Variants in YTHDC2 observed in about 807,000 individuals in gnomAD.
The protein encoded by YTHDC2 is YTH N6-methyladenosine RNA binding protein C2.
YTHDC2 carries 45 observed loss-of-function variants against 174.9 expected under a neutral mutation model. The ratio of observed to expected loss-of-function variants is 0.26; its 90% confidence interval spans 0.20 to 0.33. YTHDC2 has a LOEUF of 0.33. Among genes scored for constraint, YTHDC2 ranks in the 10% least tolerant of loss-of-function variants. YTHDC2 has a pLI of 1.00. For synonymous variants in YTHDC2, 657 were observed against 574.5 expected (o/e 1.14, Z -2.05); for missense variants, 1,650 against 1,723.7 (o/e 0.96, Z 0.76).
At position 113,513,710 on chromosome 5, in the gene YTHDC2, T is replaced by G; in HGVS notation, c.-186T>G. On this transcript the variant is annotated 5_prime_UTR_variant, in exon 1 of 30. Transcript: ENST00000161863. ...TACGCCCGCGCTCCTCGCCTGGCCG[T>G]GATATCAATGGCGCAGGCTTCACTT... 1.4e-5 allele frequency: 9 copies of G among 650,472 alleles called. No individual in the cohort carries two copies. Among genetic ancestry groups the G allele is most frequent in the South Asian group, 2.3e-5 (1 of 44,162 alleles). The allele number at this position is 650,472 out of a possible 1,614,324, so 40.3% of individuals were successfully genotyped here.
intron 23 of YTHDC2, among the ~76,000 whole-genome samples, chr5:113,576,536 C>A (rs987487741): frequency 1.3e-5 from 2 of 152,312 alleles, no homozygotes; most frequent in African/African-American, 4.8e-5. Flanking sequence ...TCTCCATACT[C>A]AACCATATTA....
rs1048647461 is a variant in YTHDC2, at chr5:113,592,130, C to T, written c.4164C>T (p.Leu1388=). The T allele has an allele frequency of 1.2e-6, 2 of 1,612,710 alleles. No individual in the cohort carries two copies. The highest frequency in any genetic ancestry group is 2.7e-5 in the African/African-American group (2 of 74,660). ...CCTTTCAATTTGCACACCATTTACT[C>T]AATCCATGGAATGACAACAAGAAAG... ...SLPFQFAHHL[L]NPWNDNKKVQ... is the part of the protein sequence containing the mutation. The change falls in exon 28 of 30, where the codon CTC becomes CTT. Residue 1388 remains leucine, a synonymous_variant. Coordinates refer to ENST00000161863, the MANE Select transcript of YTHDC2 (RefSeq NM_022828.5).
chr5:113,581,732 A>G (rs779804124), intron 25 of YTHDC2, 23 bp downstream of exon 25: 25 of 1,451,466 alleles, frequency 1.7e-5, no homozygotes, highest in Non-Finnish European at 2.0e-5. Context: ...CATTTTACCA[A>G]AATGGGTCAC....
chr5:113,581,085 G>A (rs771150052), intron 24 of YTHDC2, among the ~76,000 whole-genome samples: 5 of 152,022 alleles, frequency 3.3e-5, no homozygotes, highest in African/African-American at 4.8e-5. Context: ...TGATCATTTG[G>A]ATGTTCTACA....
chr5:113,563,692 GTAGA>G (rs1162730362), intron 19 of YTHDC2, among the ~76,000 whole-genome samples, 163 bp from the exon 20 acceptor site: 2 of 152,120 alleles, frequency 1.3e-5, no homozygotes, highest in Non-Finnish European at 2.9e-5. Flanking sequence ...GTATGAAACA[GTAGA>G]TATAGTTCTT....
At chr5:113,551,673 T>G (rs899805714) in intron 12 of YTHDC2, among the ~76,000 whole-genome samples, 3 of 152,062 alleles carry the variant, frequency 2.0e-5, no homozygotes, top group Non-Finnish European at 4.4e-5. Context: ...GGTTGATGGG[T>G]GCAGCAAACT....
chr5:113,584,535 C>G (rs1277930550), intron 26 of YTHDC2, 56 bp downstream of exon 26: 2 of 1,363,616 alleles, frequency 1.5e-6, no homozygotes, highest in Non-Finnish European at 9.9e-7. Flanking sequence ...ACATGTAATC[C>G]TAGGTAAATA....
chr5:113,537,083 A>T (rs544552419), intron 7 of YTHDC2, among the ~76,000 whole-genome samples: 1 of 152,318 alleles, frequency 6.6e-6, no homozygotes, highest in East Asian at 1.9e-4. Flanking sequence ...TATAATGAAC[A>T]TCCTTTTATG....
At position 113,585,201 on chromosome 5, in the gene YTHDC2, A is replaced by G. The variant is rs181374462; in HGVS notation, c.3825+722A>G. On this transcript the variant is annotated intron_variant, in intron 26 of 29. Transcript: ENST00000161863. ...AATTGGTTTCTACAGTGGTTATATT[A>G]AAAAAAAAACAAGATGGGATAGGGT... is the stretch of plus-strand genomic sequence containing the variant. 2.1e-3 allele frequency among the ~76,000 whole-genome samples: 287 copies of G among 138,458 alleles called. 3 individuals are homozygous for G. The highest frequency in any genetic ancestry group is 7.9e-3 in the African/African-American group (274 of 34,564). The allele number at this position is 138,458 out of a possible 152,430, so 90.8% of individuals were successfully genotyped here. A position where few individuals can be genotyped will look rare whatever the true frequency, so the allele number is the denominator to read the frequency against.
intron 9 of YTHDC2, 123 bp from the exon 10 acceptor site, chr5:113,542,245 C>CA (rs1342389851): frequency 9.9e-7 from 1 of 1,009,902 alleles, no homozygotes; most frequent in African/African-American, 1.7e-5. Flanking sequence ...TTTTTTATGT[C>CA]AAAGCATTTG....
intron 26 of YTHDC2, 115 bp downstream of exon 26, chr5:113,584,594 T>C (rs967312761): frequency 6.2e-6 from 6 of 963,450 alleles, no homozygotes; most frequent in Non-Finnish European, 9.0e-6. Context: ...CTCTTCTAGA[T>C]GTAAGTTGAA....
At chr5:113,576,408 A>T (rs2112773643) in intron 23 of YTHDC2, among the ~76,000 whole-genome samples, 1 of 152,298 alleles carries the variant, frequency 6.6e-6, no homozygotes, top group South Asian at 2.1e-4. Context: ...GCATTGCTAC[A>T]TTGACATCTT....
intron 12 of YTHDC2, 29 bp from the exon 13 acceptor site, chr5:113,553,152 T>G (rs1776364454): frequency 2.1e-6 from 3 of 1,431,158 alleles, no homozygotes; most frequent in Non-Finnish European, 2.7e-6. Context: ...GGAAATTGAC[T>G]TTGTCTTTTT....
At chr5:113,593,112 A>C (rs967312282) in intron 28 of YTHDC2, 191 bp from the exon 29 acceptor site, 1 of 401,674 alleles carries the variant, frequency 2.5e-6, no homozygotes, top group Non-Finnish European at 4.5e-6. Context: ...TGTAATCTTA[A>C]ATCTGGAAGT....
intron 7 of YTHDC2, among the ~76,000 whole-genome samples, chr5:113,536,928 T>C (rs984708535): frequency 6.6e-6 from 1 of 152,218 alleles, no homozygotes; most frequent in Non-Finnish European, 1.5e-5. Flanking sequence ...TCCAGTTTAG[T>C]AACCCTGGAT....
chr5:113,554,533 A>G (rs1023073553), intron 16 of YTHDC2, among the ~76,000 whole-genome samples: 23 of 151,982 alleles, frequency 1.5e-4, no homozygotes, highest in African/African-American at 5.3e-4. Flanking sequence ...TAGATAAACC[A>G]TGGGATAACC....
chr5:113,545,844 C>T (rs1403318942), intron 10 of YTHDC2, among the ~76,000 whole-genome samples: 1 of 65,912 alleles, frequency 1.5e-5, no homozygotes, highest in Admixed American at 1.7e-4. Flanking sequence ...GGGTTCACGC[C>T]ATTCTCCTGC....
intron 10 of YTHDC2, 41 bp downstream of exon 10, chr5:113,542,544 T>G: frequency 6.4e-7 from 1 of 1,550,884 alleles, no homozygotes; most frequent in African/African-American, 1.4e-5. Flanking sequence ...CTTACAGTTA[T>G]TTATGGTGGA....
intron 14 of YTHDC2, 40 bp downstream of exon 14, chr5:113,553,726 G>T (rs1776420012): frequency 1.9e-6 from 3 of 1,612,736 alleles, no homozygotes; most frequent in Non-Finnish European, 2.5e-6. Context: ...TAAAATAACG[G>T]ACAGGTCTTA....
Sources: gnomAD v4.1 joint callset for allele counts (sites outside exome capture counted in the v4.1 genomes callset) on GRCh38, gnomAD v4.1.1 for gene constraint, MANE v1.5 for transcripts, NCBI Gene and HGNC (gene_info 2026-07-23, HGNC 2026-07-21) for gene names.